COL4A1: variants seen among roughly 807,000 people sequenced by gnomAD.
COL4A1 encodes the protein collagen type IV alpha 1 chain.
A neutral mutation model predicts 216.6 loss-of-function variants in COL4A1; 40 were observed. The ratio of observed to expected loss-of-function variants is 0.18; its 90% CI spans 0.14 to 0.24. COL4A1 has a LOEUF of 0.24. Ranked by LOEUF, COL4A1 falls within the 10% of genes least tolerant of loss-of-function variation. The probability of loss-of-function intolerance (pLI) is 1.00; values close to 1 mark genes in which losing one functional copy is unlikely to be tolerated. For missense variants in COL4A1, 1,628 were observed against 2,196.8 expected, an observed-to-expected ratio of 0.74 and a Z score of 5.18; for synonymous variants, 839 against 810.7, an observed-to-expected ratio of 1.03 and a Z score of -0.59.
At chr13:110,185,429 C>A (rs1279244417) in intron 26 of COL4A1, among the ~76,000 whole-genome samples, 1 of 152,226 alleles carries the variant, frequency 6.6e-6, no homozygotes, top group Non-Finnish European at 1.5e-5. Flanking sequence ...CAGGCGTGAG[C>A]CACCGCACCT....
chr13:110,174,174 A>C (rs1442129856), intron 39 of COL4A1, among the ~76,000 whole-genome samples, 176 bp from the exon 40 acceptor site: 1 of 152,140 alleles, frequency 6.6e-6, no homozygotes, highest in Admixed American at 6.5e-5. Context: ...GCTTTCAGCA[A>C]CACCACCAAA....
At position 110,214,032 on chromosome 13, in the gene COL4A1, T is replaced by C. The variant is rs1321101556; in HGVS notation, c.145-17A>G. On this transcript the variant is annotated splice_polypyrimidine_tract_variant and intron_variant, in intron 2 of 51. Coordinates refer to ENST00000375820, the MANE Select transcript of COL4A1 (RefSeq NM_001845.6). ...TCTTTCACCCTACAGAAGAGGAACATCAGTCAGGCAAAAGGCAGCAGTAAA... is the reference window on the plus strand; with the variant it reads ...TCTTTCACCCTACAGAAGAGGAACACCAGTCAGGCAAAAGGCAGCAGTAAA... 4 of 1,608,328 alleles carry C rather than the reference T, an allele frequency of 2.5e-6. No individual in the cohort carries two copies. In the African/African-American group the frequency reaches 4.0e-5, roughly 16 times the overall value.
chr13:110,173,501 C>T (rs1347490742), intron 40 of COL4A1, among the ~76,000 whole-genome samples: 1 of 151,864 alleles, frequency 6.6e-6, no homozygotes, highest in Non-Finnish European at 1.5e-5. Context: ...ACTCAGGGGC[C>T]AACCAATATT....
At chr13:110,266,895 C>T (rs890403710) in intron 1 of COL4A1, among the ~76,000 whole-genome samples, 1 of 152,208 alleles carries the variant, frequency 6.6e-6, no homozygotes, top group Non-Finnish European at 1.5e-5. Context: ...TATTTGCATA[C>T]TTCCTGACAC....
intron 1 of COL4A1, among the ~76,000 whole-genome samples, chr13:110,257,259 T>C (rs35716322): frequency 0.16 from 24,497 of 152,066 alleles, 2,314 homozygotes; most frequent in Non-Finnish European, 0.21. Context: ...ATAACGAACA[T>C]GTGGAAGAGA....
chr13:110,171,842 G>C (rs1458574110), intron 41 of COL4A1, among the ~76,000 whole-genome samples: 1 of 152,254 alleles, frequency 6.6e-6, no homozygotes, highest in African/African-American at 2.4e-5. Context: ...TTTGCAAGGG[G>C]CTCTGTGTTT....
At chr13:110,175,170 T>C in intron 37 of COL4A1, 48 bp downstream of exon 37, 1 of 1,610,548 alleles carries the variant, frequency 6.2e-7, no homozygotes, top group Admixed American at 1.7e-5. Flanking sequence ...AGGCAGCATC[T>C]CCACTGAGCT....
Position 110,268,034 on chromosome 13 carries a change from AAG to A in COL4A1, c.85-25302_85-25301del, listed in dbSNP as rs1391133110. On this transcript the variant is annotated intron_variant, in intron 1 of 51. Transcript: ENST00000375820. The surrounding 1 kb of genome is among the most constrained non-coding windows in gnomAD (Gnocchi z 4.1). ...CCCCTCAAAAAAAAAATACAGAAAA[AAG>A]AAACTCTCTGGAAAGCAGTGGTCAC... 2.0e-5 allele frequency among the ~76,000 whole-genome samples: 3 copies of A among 152,136 alleles called. No individual in the cohort carries two copies. Among genetic ancestry groups the A allele is most frequent in the Non-Finnish European group, 2.9e-5 (2 of 68,030 alleles).
At chr13:110,275,449 C>T (rs1021726688) in intron 1 of COL4A1, among the ~76,000 whole-genome samples, 3 of 152,112 alleles carry the variant, frequency 2.0e-5, no homozygotes, top group African/African-American at 4.8e-5. Flanking sequence ...TCAGTCATTG[C>T]GGGTGGGGAT....
rs745457435 is a variant in COL4A1 at position 110,179,327 on chromosome 13, G to C, written c.2288C>G (p.Pro763Arg). 2 of 1,614,110 alleles carry C rather than the reference G, an allele frequency of 1.2e-6. No individual in the cohort carries two copies. The highest frequency in any genetic ancestry group is 3.3e-5 in the Admixed American group (2 of 60,016). Residue 763 changes from proline (P) to arginine (R), a missense_variant, in exon 30 of 52, where the codon CCA becomes CGA. Physicochemically the swap from Pro to Arg is moderately radical, Grantham distance 103. This residue lies in a region of COL4A1 where 701 missense variants were observed against 892.5 expected (regional missense o/e 0.79). Transcript: ENST00000375820. ...TPGEKGSIGV[P>R]GVPGEHGAIG... is the part of the protein sequence containing the mutation. ...CGCTCCATGTTCTCCAGGAACGCCT[G>C]GTACCCCAATGCTCCCCTTCTCCCC...
At chr13:110,175,416 G>A (rs1234189711) in intron 36 of COL4A1, 59 bp from the exon 37 acceptor site, 2 of 1,607,072 alleles carry the variant, frequency 1.2e-6, no homozygotes, top group South Asian at 1.1e-5. Context: ...TATTACAAAT[G>A]AAAAAGTGCC....
In COL4A1 at chr13:110,149,640, T is replaced by C. The variant is rs1245453025; in HGVS notation, c.*723A>G. 1.3e-5 allele frequency: 2 copies of C among 152,582 alleles called. No individual in the cohort carries two copies. Among genetic ancestry groups the C allele is most frequent in the Non-Finnish European group, 2.9e-5 (2 of 68,040 alleles). 9.5% of individuals were successfully genotyped at this position (152,582 alleles called of 1,614,324 possible). A position where few individuals can be genotyped will look rare whatever the true frequency, so the allele number is the denominator to read the frequency against. On this transcript the variant is annotated 3_prime_UTR_variant, in exon 52 of 52. Transcript: ENST00000375820. ...ACAGTCTTTCAAAGGAAGAAAACTA[T>C]GTAAGCTTTATTTTAACAGTGGAAG...
chr13:110,255,112 A>C (rs1374454067), intron 1 of COL4A1, among the ~76,000 whole-genome samples: 1 of 152,240 alleles, frequency 6.6e-6, no homozygotes, highest in East Asian at 1.9e-4. Context: ...AGAACAGCCC[A>C]GGTGTCGGCT....
At chr13:110,265,756 C>CA (rs1006470908) in intron 1 of COL4A1, 1 of 152,218 alleles carries the variant, frequency 6.6e-6, no homozygotes, top group African/African-American at 2.4e-5. Context: ...TGCCAGCAGT[C>CA]TTGGGTTTGG....
intron 25 of COL4A1, among the ~76,000 whole-genome samples, chr13:110,186,766 C>T (rs1878424706): frequency 6.6e-6 from 1 of 152,296 alleles, no homozygotes. Context: ...CCTCCCTCAT[C>T]TACTTAGGGA....
Position 110,209,624 on chromosome 13 carries a change from A to G in COL4A1, c.616-197T>C, listed in dbSNP as rs7332235. Among the ~76,000 whole-genome samples, 40,336 of 151,920 alleles carry G rather than the reference A, an allele frequency of 0.27. 5,552 individuals are homozygous for G. The highest frequency in any genetic ancestry group is 0.32 in the Admixed American group (4,900 of 15,286). ...GGTGTGACCATACCAATACCAATCC[A>G]TCTCCCCTGCTCCCTGGTGAAGTCA... On this transcript the variant is annotated intron_variant, in intron 10 of 51. Coordinates refer to ENST00000375820, the MANE Select transcript of COL4A1 (RefSeq NM_001845.6).
intron 2 of COL4A1, among the ~76,000 whole-genome samples, chr13:110,239,650 A>G (rs1881469626): frequency 6.6e-6 from 1 of 152,162 alleles, no homozygotes; most frequent in African/African-American, 2.4e-5. Flanking sequence ...CAACCCCTTT[A>G]GTCATTTTGT....
At chr13:110,179,452 T>A (rs1878051511) in intron 29 of COL4A1, 31 bp from the exon 30 acceptor site, 2 of 1,613,774 alleles carry the variant, frequency 1.2e-6, no homozygotes, top group African/African-American at 1.3e-5. Flanking sequence ...GAGAAGCAAA[T>A]TGATTTGCAA....
chr13:110,287,985 G>A (rs373783321), intron 1 of COL4A1, among the ~76,000 whole-genome samples: 1 of 151,860 alleles, frequency 6.6e-6, no homozygotes, highest in East Asian at 1.9e-4. Context: ...GTCTGGGCGC[G>A]GTGGCTCACG....
Sources: allele counts gnomAD v4.1 joint callset (sites outside exome capture counted in the v4.1 genomes callset), GRCh38; gene constraint gnomAD v4.1.1; regional missense constraint gnomAD v4.1.1; non-coding constraint Gnocchi (gnomAD v3.1); transcripts MANE v1.5; gene names NCBI Gene and HGNC (gene_info 2026-07-23, HGNC 2026-07-21).